TEX14: variants seen among roughly 807,000 people sequenced by gnomAD.
The protein encoded by TEX14 is testis expressed 14, intercellular bridge forming factor, also known as inactive serine/threonine-protein kinase TEX14.
A neutral mutation model predicts 178.6 loss-of-function variants in TEX14; 168 were observed. That is an observed-to-expected ratio of 0.94 (90% confidence interval 0.83 to 1.07). The LOEUF is 1.07. TEX14 is among the 50% of genes least tolerant of loss of function. The pLI, the probability that TEX14 is intolerant of heterozygous loss-of-function variation, is 0.00. For missense variants in TEX14, 1,730 were observed against 1,753.6 expected (o/e 0.99, Z 0.24); for synonymous variants, 626 against 634.1 (o/e 0.99, Z 0.19).
chr17:58,651,948 T>C lies in TEX14; in HGVS notation c.54A>G (p.Leu18=). 1.2e-6 allele frequency: 2 copies of C among 1,613,386 alleles called. No homozygotes were observed. The highest frequency in any genetic ancestry group is 1.7e-6 in the Non-Finnish European group (2 of 1,179,840). The change falls in exon 2 of 32, where the codon TTA becomes TTG. Residue 18 remains leucine (L), a synonymous_variant. Transcript: ENST00000349033. ...GCTGAGCTTCCAGGGAGTCATTTCT[T>C]AAGGTACCAAGTTGAACAGGACAGG... is the stretch of plus-strand genomic sequence containing the variant. ...PVPCPVQLGT[L]RNDSLEAQLH... is the part of the protein sequence containing the mutation.
chr17:58,656,925 C>CAAAAAAAAAA (rs60626361), intron 1 of TEX14, among the ~76,000 whole-genome samples: 4 of 79,538 alleles, frequency 5.0e-5, no homozygotes, highest in Non-Finnish European at 6.5e-5. Context: ...TCCCATCTCA[C>CAAAAAAAAAA]AAAAAAAAAA....
chr17:58,571,978 C>A lies in TEX14; in HGVS notation c.3660G>T (p.Lys1220Asn), dbSNP rs1463954563. 6.2e-7 allele frequency: 1 copy of A among 1,614,006 alleles called. No homozygotes were observed. Among genetic ancestry groups the A allele is most frequent in the Non-Finnish European group, 8.5e-7 (1 of 1,180,036 alleles). The change falls in exon 24 of 32, where the codon AAG (lysine) becomes AAT (asparagine). Residue 1220 changes from lysine to asparagine, a missense_variant. Transcript: ENST00000349033. ...DDFISVRERA[K>N]KLDSLLTSSE... Reference sequence around the variant, plus strand: ...AGGAAGTAAGGAGAGAATCCAGTTTCTTTGCTCTCTCTCGGACACTTATAA... The same window carrying A: ...AGGAAGTAAGGAGAGAATCCAGTTTATTTGCTCTCTCTCGGACACTTATAA...
chr17:58,619,037 C>A (rs1021585570), intron 5 of TEX14, among the ~76,000 whole-genome samples: 4 of 152,196 alleles, frequency 2.6e-5, no homozygotes, highest in African/African-American at 9.7e-5. Context: ...TGTGCTTAGG[C>A]CTCAAAAGAT....
intron 28 of TEX14, among the ~76,000 whole-genome samples, chr17:58,563,517 T>C (rs1347615291): frequency 6.7e-6 from 1 of 150,224 alleles, no homozygotes; most frequent in Non-Finnish European, 1.5e-5. Context: ...CCAGGCATGG[T>C]GGCTTGCACC....
intron 1 of TEX14, among the ~76,000 whole-genome samples, chr17:58,654,048 G>A (rs111294941): frequency 6.6e-6 from 1 of 152,078 alleles, no homozygotes; most frequent in South Asian, 2.1e-4. Context: ...CATGGTGGCG[G>A]GCGCCTGTAG....
At position 58,561,599 on chromosome 17, in the gene TEX14, G is replaced by T. The variant is rs768759647; in HGVS notation, c.4078C>A (p.Leu1360Met). 1 of 1,612,756 alleles carries T rather than the reference G, an allele frequency of 6.2e-7. No homozygotes were observed. Among genetic ancestry groups the T allele is most frequent in the South Asian group, 1.1e-5 (1 of 91,048 alleles). Residue 1360 changes from leucine (L) to methionine (M), a missense_variant, in exon 29 of 32, where the codon CTG (leucine) becomes ATG (methionine). By Grantham distance (15) the Leu-to-Met change is conservative. Transcript: ENST00000349033. Reference protein sequence around the residue: ...GEDTERAHSTLDEDLERWLQP... With the variant: ...GEDTERAHSTMDEDLERWLQP... ...AGCCATCTTTCCAGGTCCTCATCCA[G>T]AGTAGAGTGAGCTCTGTTTAAGGAC...
intron 2 of TEX14, among the ~76,000 whole-genome samples, chr17:58,630,797 C>T (rs1005888189): frequency 6.6e-6 from 1 of 152,022 alleles, no homozygotes; most frequent in African/African-American, 2.4e-5. Flanking sequence ...GTTCACCACA[C>T]TGGCATATTA....
intron 30 of TEX14, 35 bp from the exon 31 acceptor site, chr17:58,557,885 T>A (rs1278812429): frequency 6.4e-7 from 1 of 1,569,750 alleles, no homozygotes; most frequent in Admixed American, 1.7e-5. Flanking sequence ...AAAAACAACA[T>A]GATTAATTTC....
chr17:58,628,031 G>A (rs891211023), intron 3 of TEX14, among the ~76,000 whole-genome samples: 4 of 149,204 alleles, frequency 2.7e-5, no homozygotes, highest in African/African-American at 9.9e-5. Flanking sequence ...TGGGATTACA[G>A]GTGTGAGCTA....
chr17:58,586,129 G>C (rs1375337496), intron 17 of TEX14, 47 bp from the exon 18 acceptor site: 1 of 1,546,990 alleles, frequency 6.5e-7, no homozygotes, highest in East Asian at 2.3e-5. Flanking sequence ...GTAAACACTG[G>C]AAACACAGGC....
chr17:58,644,365 C>T (rs1003631832), intron 2 of TEX14, among the ~76,000 whole-genome samples: 66 of 152,208 alleles, frequency 4.3e-4, no homozygotes, highest in African/African-American at 1.4e-3. Context: ...CGGAGTCTCG[C>T]TCTGTCACCC....
Position 58,579,740 on chromosome 17 carries a change from G to C in TEX14, c.3172-9C>G, listed in dbSNP as rs776282733. 2 of 1,610,904 alleles carry C rather than the reference G, an allele frequency of 1.2e-6. No individual in the cohort carries two copies. Among genetic ancestry groups the C allele is most frequent in the East Asian group, 4.5e-5 (2 of 44,754 alleles). On this transcript the variant is annotated splice_polypyrimidine_tract_variant and intron_variant, in intron 19 of 31. Transcript: ENST00000349033. ...TCTATGGGACTCGAGGTCTAAAAAA[G>C]AACAAAAGAAAAGCAAAGAAAGGAG...
At chr17:58,593,506 A>G (rs1283560192) in intron 15 of TEX14, 49 bp downstream of exon 15, 4 of 1,374,634 alleles carry the variant, frequency 2.9e-6, no homozygotes, top group Admixed American at 1.7e-5. Context: ...AGAGACACAC[A>G]GAAGTCTAAA....
intron 1 of TEX14, among the ~76,000 whole-genome samples, chr17:58,690,213 T>C (rs1052808660): frequency 5.3e-5 from 8 of 151,278 alleles, no homozygotes; most frequent in Non-Finnish European, 5.9e-5. Context: ...GTCGCCCAGA[T>C]TGGAGTGGAG....
At chr17:58,651,797 T>A in intron 2 of TEX14, 69 bp downstream of exon 2, 1 of 1,427,878 alleles carries the variant, frequency 7.0e-7, no homozygotes, top group South Asian at 1.5e-5. Flanking sequence ...TTTATGACAT[T>A]CCTTTTCCTC....
At chr17:58,629,305 T>C (rs1474667270) in intron 3 of TEX14, among the ~76,000 whole-genome samples, 1 of 151,366 alleles carries the variant, frequency 6.6e-6, no homozygotes, top group South Asian at 2.1e-4. Context: ...ATACAAAAAA[T>C]TAGCCAGGCC....
rs769444117 is a variant in TEX14 at position 58,586,134 on chromosome 17, A to ACAGGC, written c.2789-57_2789-53dup. Reference sequence around the variant, plus strand: ...AAACATCACTGTAAACACTGGAAACACAGGCTTTCATCTAAAAGAAATACA... The same window carrying ACAGGC: ...AAACATCACTGTAAACACTGGAAACACAGGCCAGGCTTTCATCTAAAAGAAATACA... On this transcript the variant is annotated intron_variant, in intron 17 of 31. Coordinates refer to ENST00000349033, the MANE Select transcript of TEX14 (RefSeq NM_031272.5). 38 of 1,535,672 alleles carry ACAGGC rather than the reference A, an allele frequency of 2.5e-5. No homozygotes were observed. The African/African-American group carries it at 4.7e-4, about 19-fold the overall frequency.
At chr17:58,573,921 C>T (rs776874158) in intron 22 of TEX14, among the ~76,000 whole-genome samples, 2 of 152,026 alleles carry the variant, frequency 1.3e-5, no homozygotes, top group African/African-American at 2.4e-5. Flanking sequence ...AGGATATTTA[C>T]GTGGAAAACA....
chr17:58,566,412 T>C (rs1182352277), intron 26 of TEX14, among the ~76,000 whole-genome samples: 3 of 152,214 alleles, frequency 2.0e-5, no homozygotes, highest in East Asian at 1.9e-4. Context: ...CTCTATTTTA[T>C]AGTCTCTCAA....
Sources: gnomAD v4.1 joint callset for allele counts (sites outside exome capture counted in the v4.1 genomes callset) on GRCh38, gnomAD v4.1.1 for gene constraint, MANE v1.5 for transcripts, NCBI Gene and HGNC (gene_info 2026-07-23, HGNC 2026-07-21) for gene names.